LARGE1: variants seen among roughly 807,000 people sequenced by gnomAD.
LARGE1 encodes LARGE xylosyl- and glucuronyltransferase 1.
In LARGE1, 43 loss-of-function variants were observed where a neutral mutation model predicts 87.6. That is an observed-to-expected ratio of 0.49 (90% CI 0.38 to 0.63). The LOEUF (loss-of-function observed/expected upper bound fraction) is 0.63. Ranked by LOEUF, LARGE1 falls within the 30% of genes least tolerant of loss-of-function variation. The pLI is 0.00. For synonymous variants in LARGE1, 434 were observed against 394.6 expected, an observed-to-expected ratio of 1.10 and a Z score of -1.18; for missense variants, 802 against 1,000.2, an observed-to-expected ratio of 0.80 and a Z score of 2.67.
intron 6 of LARGE1, among the ~76,000 whole-genome samples, chr22:33,455,976 G>A (rs2068116537): frequency 6.6e-6 from 1 of 152,064 alleles, no homozygotes; most frequent in South Asian, 2.1e-4. Context: ...ACAATATTGT[G>A]ACTGCAAAGT....
intron 11 of LARGE1, among the ~76,000 whole-genome samples, chr22:33,257,871 T>C (rs1927401181): frequency 1.3e-5 from 2 of 152,212 alleles, no homozygotes; most frequent in South Asian, 4.1e-4. Context: ...CTTACCCATA[T>C]GTAGAAGTCA....
chr22:33,453,458 C>G (rs749640627), intron 6 of LARGE1, among the ~76,000 whole-genome samples: 11 of 152,018 alleles, frequency 7.2e-5, no homozygotes, highest in Non-Finnish European at 1.3e-4. Context: ...ACTTGGACAG[C>G]TACATACTTC....
intron 2 of LARGE1, among the ~76,000 whole-genome samples, chr22:33,725,925 C>T (rs1404896188): frequency 5.3e-5 from 8 of 152,036 alleles, no homozygotes; most frequent in Admixed American, 6.6e-5. Context: ...TGTCTGGAGA[C>T]ACTTTTGGAG....
At chr22:33,133,278 C>G in the LARGE1 span, among the ~76,000 whole-genome samples, 89 of 152,070 alleles carry the variant, frequency 5.9e-4, 1 homozygote, top group Non-Finnish European at 8.8e-5. Flanking sequence ...TTTGCTGCAC[C>G]CATCAACCCG....
chr22:33,385,426 G>A (rs2065288497), intron 7 of LARGE1, among the ~76,000 whole-genome samples: 1 of 144,842 alleles, frequency 6.9e-6, no homozygotes, highest in East Asian at 2.0e-4. Context: ...TACTTGGGAG[G>A]CTGAGGCAGG....
In LARGE1 at chr22:33,316,196, C is replaced by T. The variant is rs139603473; in HGVS notation, c.1340G>A (p.Arg447Gln). 10 of 1,613,890 alleles carry T rather than the reference C, an allele frequency of 6.2e-6. No homozygotes were observed. Among genetic ancestry groups the T allele is most frequent in the Middle Eastern group, 1.6e-4 (1 of 6,076 alleles). ...GCGGTGGACAGTGAAGCGCTCTCGCCGGAACTCATAGCACAGGTCGTCCTC... is the reference window on the plus strand; with the variant it reads ...GCGGTGGACAGTGAAGCGCTCTCGCTGGAACTCATAGCACAGGTCGTCCTC... ...LDEDDLCYEFRRERFTVHRTH... is the reference protein window; with the variant it reads ...LDEDDLCYEFQRERFTVHRTH... The change falls in exon 11 of 15, where the codon CGG (arginine) becomes CAG (glutamine). Residue 447 changes from arginine to glutamine, a missense_variant. Physicochemically the swap from Arg to Gln is conservative, Grantham distance 43. Coordinates refer to ENST00000397394, the MANE Select transcript of LARGE1 (RefSeq NM_133642.5).
intron 6 of LARGE1, among the ~76,000 whole-genome samples, chr22:33,461,231 T>C (rs939157470): frequency 2.6e-5 from 4 of 152,172 alleles, no homozygotes; most frequent in Non-Finnish European, 5.9e-5. Flanking sequence ...GAGGTTACAG[T>C]GAGCTATGAT....
chr22:33,528,138 G>A (rs1226636906), intron 6 of LARGE1, among the ~76,000 whole-genome samples: 1 of 149,546 alleles, frequency 6.7e-6, no homozygotes, highest in East Asian at 2.0e-4. Context: ...GTCGGGGGGG[G>A]CGGGGCGGGG....
At chr22:33,349,808 C>A (rs1269987361) in intron 9 of LARGE1, among the ~76,000 whole-genome samples, 1 of 152,158 alleles carries the variant, frequency 6.6e-6, no homozygotes, top group East Asian at 1.9e-4. Flanking sequence ...GCTCCTGTCA[C>A]ACAGATTCCT....
chr22:33,104,891 C>CTTTCTTTCTTTCTTTCTT, the LARGE1 span, among the ~76,000 whole-genome samples: 3 of 45,848 alleles, frequency 6.5e-5, no homozygotes, highest in Admixed American at 2.1e-4. Flanking sequence ...CTTTCTCTCT[C>CTTTCTTTCTTTCTTTCTT]TTTCTTTCTT....
chr22:33,884,910 G>A (rs2064801417), intron 1 of LARGE1, among the ~76,000 whole-genome samples: 1 of 152,188 alleles, frequency 6.6e-6, no homozygotes, highest in Non-Finnish European at 1.5e-5. Context: ...GCCCATGATG[G>A]CACCAACAGC....
intron 11 of LARGE1, among the ~76,000 whole-genome samples, chr22:33,245,182 G>A (rs912141991): frequency 6.6e-6 from 1 of 152,138 alleles, no homozygotes; most frequent in Non-Finnish European, 1.5e-5. Context: ...GTCAGAAGGA[G>A]CCAAATCAGG....
rs116864869 is a variant in LARGE1 at position 33,502,275 on chromosome 22, G to A, written c.787+62573C>T. The stretch of plus-strand genomic sequence containing the variant: ...GCAGTGACAGCGGCGGTGAGCTGAG[G>A]TTGGAAAAACATGCAGAGATCAGTC... On this transcript the variant is annotated intron_variant, in intron 6 of 14. Transcript: ENST00000397394. Among the ~76,000 whole-genome samples, 537 of 152,146 alleles carry A rather than the reference G, an allele frequency of 3.5e-3. 4 individuals carry two copies. The highest frequency in any genetic ancestry group is 0.023 in the South Asian group (110 of 4,814).
At chr22:33,424,284 G>A (rs988310252) in intron 7 of LARGE1, among the ~76,000 whole-genome samples, 18 of 152,192 alleles carry the variant, frequency 1.2e-4, no homozygotes, top group Admixed American at 3.9e-4. Context: ...AATGGCCACT[G>A]CATATCATTC....
intron 1 of LARGE1, among the ~76,000 whole-genome samples, chr22:33,871,849 T>C (rs2146680357): frequency 6.6e-6 from 1 of 152,164 alleles, no homozygotes; most frequent in Non-Finnish European, 1.5e-5. Context: ...AGTTAATTGA[T>C]GACCTTCAGA....
At chr22:33,647,604 T>C (rs1175084845) in intron 3 of LARGE1, among the ~76,000 whole-genome samples, 1 of 152,168 alleles carries the variant, frequency 6.6e-6, no homozygotes, top group African/African-American at 2.4e-5. Flanking sequence ...TTAAACACAA[T>C]GAGAAACAAG....
intron 11 of LARGE1, among the ~76,000 whole-genome samples, chr22:33,199,612 G>C (rs188052670): frequency 1.3e-3 from 205 of 152,092 alleles, no homozygotes; most frequent in Middle Eastern, 3.4e-3. Context: ...TATTGAATAG[G>C]GTATTATTTC....
intron 2 of LARGE1, among the ~76,000 whole-genome samples, chr22:33,664,407 G>A (rs1242588126): frequency 6.6e-6 from 1 of 152,180 alleles, no homozygotes; most frequent in Non-Finnish European, 1.5e-5. Context: ...GTATTGCAAT[G>A]TTGGTTTGAT....
At chr22:33,885,235 T>C (rs1226377533) in intron 1 of LARGE1, among the ~76,000 whole-genome samples, 1 of 152,138 alleles carries the variant, frequency 6.6e-6, no homozygotes, top group Non-Finnish European at 1.5e-5. Context: ...AGTGACTCTA[T>C]CACTTTTTAA....
Sources: allele counts gnomAD v4.1 joint callset (sites outside exome capture counted in the v4.1 genomes callset), GRCh38; gene constraint gnomAD v4.1.1; transcripts MANE v1.5; gene names NCBI Gene and HGNC (gene_info 2026-07-23, HGNC 2026-07-21).